ZNF680: variants seen among roughly 807,000 people sequenced by gnomAD.
ZNF680 encodes the protein zinc finger protein 680.
ZNF680 carries 6 observed loss-of-function variants against 12.1 expected under a neutral mutation model. The observed-to-expected ratio is 0.49, with a 90% CI of 0.27 to 0.98. ZNF680 has a LOEUF of 0.98. ZNF680 is among the 50% of genes least tolerant of loss of function. The pLI, the probability that ZNF680 is intolerant of heterozygous loss-of-function variation, is 0.12. For synonymous variants in ZNF680, 170 were observed against 199.3 expected (o/e 0.85, Z 1.24); for missense variants, 561 against 616.3 (o/e 0.91, Z 0.95).
chr7:64,556,797 C>T (rs1044719508), intron 1 of ZNF680, among the ~76,000 whole-genome samples: 7 of 152,122 alleles, frequency 4.6e-5, no homozygotes, highest in African/African-American at 1.7e-4. Flanking sequence ...AAAAGCAAAA[C>T]TTGATAAATG....
chr7:64,526,247 T>C lies in ZNF680; in HGVS notation c.254-3747A>G, dbSNP rs1282010500. The C allele has an allele frequency of 5.4e-6, 6 of 1,117,208 alleles. No individual in the cohort carries two copies. The African/African-American group carries it at 9.8e-5, about 18-fold the overall frequency. 69.2% of individuals were successfully genotyped at this position (1,117,208 alleles called of 1,614,324 possible). ...CTTGTAGATGAAAAAGGCTAAGAAC[T>C]TCCCAAATTTTGATGCAGTAATAAA... is the stretch of plus-strand genomic sequence containing the variant. On this transcript the variant is annotated intron_variant, in intron 3 of 3. Coordinates refer to ENST00000309683, the MANE Select transcript of ZNF680 (RefSeq NM_178558.5).
chr7:64,544,109 C>G (rs1786650885), intron 2 of ZNF680, 197 bp downstream of exon 2: 6 of 738,818 alleles, frequency 8.1e-6, no homozygotes, highest in South Asian at 7.6e-5. Flanking sequence ...TAGATCAGCT[C>G]AGGAATGTGG....
chr7:64,514,946 G>C (rs1049123758), downstream of ZNF680, among the ~76,000 whole-genome samples: 1 of 152,108 alleles, frequency 6.6e-6, no homozygotes, highest in African/African-American at 2.4e-5. Context: ...GGGAGGTTGA[G>C]GCAGGAGAAT....
At chr7:64,534,286 C>T (rs1181207100) in intron 3 of ZNF680, among the ~76,000 whole-genome samples, 1 of 152,042 alleles carries the variant, frequency 6.6e-6, no homozygotes, top group Non-Finnish European at 1.5e-5. Context: ...GACTAATATC[C>T]AGAATCTACA....
Position 64,521,758 on chromosome 7 carries a change from G to A in ZNF680, c.996C>T (p.Asn332=). The change falls in exon 4 of 4, where the codon AAC becomes AAT. Residue 332 remains asparagine (N), a synonymous_variant. Coordinates refer to ENST00000309683, the MANE Select transcript of ZNF680 (RefSeq NM_178558.5). ...FKCEECGKDF[N]QFSNLTKHKK... Reference sequence around the variant, plus strand: ...TATGTTTAGTAAGGTTTGAAAACTGGTTAAAGTCTTTGCCACATTCTTCAC... The same window carrying A: ...TATGTTTAGTAAGGTTTGAAAACTGATTAAAGTCTTTGCCACATTCTTCAC... 1.2e-6 allele frequency: 2 copies of A among 1,612,218 alleles called. No homozygotes were observed. Among genetic ancestry groups the A allele is most frequent in the Middle Eastern group, 1.7e-4 (1 of 6,044 alleles).
intron 3 of ZNF680, chr7:64,526,666 T>C (rs1791864813): frequency 3.2e-6 from 1 of 317,224 alleles, no homozygotes; most frequent in South Asian, 1.5e-4. Flanking sequence ...CTCATAATGA[T>C]GGAGCATAAA....
intron 1 of ZNF680, among the ~76,000 whole-genome samples, chr7:64,553,117 T>C (rs1787172291): frequency 7.1e-6 from 1 of 140,300 alleles, no homozygotes; most frequent in Middle Eastern, 3.3e-3. Flanking sequence ...AAAGTAACAC[T>C]CTATCTCAAA....
intron 3 of ZNF680, chr7:64,526,043 C>A: frequency 1.0e-6 from 1 of 977,884 alleles, no homozygotes; most frequent in Non-Finnish European, 1.2e-6. Context: ...AACTAAAAAA[C>A]CAAAACAATT....
chr7:64,543,637 C>T (rs1786621809), intron 3 of ZNF680, 70 bp downstream of exon 3: 1 of 1,325,430 alleles, frequency 7.5e-7, no homozygotes, highest in Admixed American at 2.0e-5. Context: ...ATGTCAAGAA[C>T]TGACTTTCTC....
chr7:64,501,729 A>G, the ZNF680 span: 1 of 966,474 alleles, frequency 1.0e-6, no homozygotes, highest in Non-Finnish European at 1.7e-6. Flanking sequence ...ATGACTCTTA[A>G]GCACATAGTG....
chr7:64,531,639 C>T (rs965734652), intron 3 of ZNF680, among the ~76,000 whole-genome samples: 4 of 147,002 alleles, frequency 2.7e-5, no homozygotes, highest in African/African-American at 1.0e-4. Context: ...TCCAAAAAAA[C>T]CTTCAAAACC....
chr7:64,543,316 G>A (rs1786606407), intron 3 of ZNF680, among the ~76,000 whole-genome samples: 1 of 152,034 alleles, frequency 6.6e-6, no homozygotes, highest in Non-Finnish European at 1.5e-5. Flanking sequence ...CAAAAAAATG[G>A]AAAAGAAACC....
At chr7:64,532,783 C>T (rs533604052) in intron 3 of ZNF680, among the ~76,000 whole-genome samples, 1 of 152,278 alleles carries the variant, frequency 6.6e-6, no homozygotes, top group South Asian at 2.1e-4. Flanking sequence ...TAACAAAATA[C>T]CAGCTAACTG....
intron 3 of ZNF680, among the ~76,000 whole-genome samples, chr7:64,536,714 A>G (rs1297002067): frequency 6.6e-6 from 1 of 152,216 alleles, no homozygotes; most frequent in East Asian, 1.9e-4. Context: ...GCAACAGAAT[A>G]TATGATATTC....
the ZNF680 span, among the ~76,000 whole-genome samples, chr7:64,513,602 T>C: frequency 6.6e-6 from 1 of 152,046 alleles, no homozygotes; most frequent in East Asian, 1.9e-4. Flanking sequence ...GGGGTTAACA[T>C]TAACAGTATG....
At chr7:64,502,142 T>C in the ZNF680 span, among the ~76,000 whole-genome samples, 3 of 151,748 alleles carry the variant, frequency 2.0e-5, no homozygotes, top group African/African-American at 7.3e-5. Context: ...TAGCTAGGAT[T>C]GCAGGCGCGT....
chr7:64,553,736 C>A lies in ZNF680; in HGVS notation c.30+9189G>T, dbSNP rs1787212499. Among the ~76,000 whole-genome samples the A allele has an allele frequency of 2.6e-5, 4 of 151,010 alleles. No homozygotes were observed. The South Asian group carries it at 6.3e-4, about 24-fold the overall frequency. ...AAGTGCCTGGGATTGCAGGCGCGCG[C>A]CGCCACGCCAGACTGGTTTTCGCAT... On this transcript the variant is annotated intron_variant, in intron 1 of 3. Coordinates refer to ENST00000309683, the MANE Select transcript of ZNF680 (RefSeq NM_178558.5).
intron 3 of ZNF680, among the ~76,000 whole-genome samples, chr7:64,539,208 A>G (rs781667266): frequency 4.6e-5 from 7 of 151,254 alleles, no homozygotes; most frequent in Non-Finnish European, 1.0e-4. Flanking sequence ...AAAGTAACAT[A>G]TGTATACAAT....
chr7:64,528,517 T>C (rs1785683535), intron 3 of ZNF680, among the ~76,000 whole-genome samples: 1 of 152,184 alleles, frequency 6.6e-6, no homozygotes, highest in Non-Finnish European at 1.5e-5. Context: ...CCCTTTGGAT[T>C]GTGTAGAAGT....
Sources: allele counts gnomAD v4.1 joint callset (sites outside exome capture counted in the v4.1 genomes callset), GRCh38; gene constraint gnomAD v4.1.1; transcripts MANE v1.5; gene names NCBI Gene and HGNC (gene_info 2026-07-23, HGNC 2026-07-21).